Variants in CNTNAP2 observed in about 807,000 individuals in gnomAD.
CNTNAP2 encodes the protein contactin-associated protein-like 2.
In CNTNAP2, 98 loss-of-function variants were observed where a neutral mutation model predicts 155.2. That is an observed-to-expected ratio of 0.63 (90% CI 0.54 to 0.75). The LOEUF is 0.75. Ranked by LOEUF, CNTNAP2 falls within the 30% of genes least tolerant of loss-of-function variation. The pLI is 0.00. For missense variants in CNTNAP2, 1,727 were observed against 1,688.1 expected, an observed-to-expected ratio of 1.02 and a Z score of -0.40; for synonymous variants, 651 against 631.2, an observed-to-expected ratio of 1.03 and a Z score of -0.47.
intron 1 of CNTNAP2, among the ~76,000 whole-genome samples, chr7:146,126,985 A>G (rs560092371): frequency 6.6e-6 from 1 of 152,168 alleles, no homozygotes; most frequent in African/African-American, 2.4e-5. Context: ...CTTATCATCT[A>G]TATCTATGCC....
chr7:148,220,310 G>A lies in CNTNAP2; in HGVS notation c.3247+2786G>A, dbSNP rs530527736. ...GTAGAGATGGGGTTTCACCGTGTTA[G>A]CCAGGATGATCTCAATCTCCTGACC... On this transcript the variant is annotated intron_variant, in intron 19 of 23. Coordinates refer to ENST00000361727, the MANE Select transcript of CNTNAP2 (RefSeq NM_014141.6). 1.3e-3 allele frequency among the ~76,000 whole-genome samples: 199 copies of A among 152,270 alleles called. 1 individual carries two copies. Among genetic ancestry groups the A allele is most frequent in the African/African-American group, 4.6e-3 (192 of 41,560 alleles).
intron 3 of CNTNAP2, among the ~76,000 whole-genome samples, chr7:146,938,858 C>G (rs911619235): frequency 6.6e-6 from 1 of 151,962 alleles, no homozygotes; most frequent in East Asian, 1.9e-4. Flanking sequence ...TATACCAAGC[C>G]AAGCATTAGA....
At chr7:146,764,270 G>A (rs868445778) in intron 1 of CNTNAP2, among the ~76,000 whole-genome samples, 7 of 152,150 alleles carry the variant, frequency 4.6e-5, no homozygotes, top group African/African-American at 1.2e-4. Flanking sequence ...ACCTTCTTAC[G>A]AGACTGTAGA....
At chr7:146,424,309 T>C (rs915247890) in intron 1 of CNTNAP2, among the ~76,000 whole-genome samples, 5 of 152,146 alleles carry the variant, frequency 3.3e-5, no homozygotes, top group African/African-American at 1.2e-4. Context: ...TATGATTGAT[T>C]ACAGCAAAAG....
chr7:146,599,735 G>C (rs547232042), intron 1 of CNTNAP2, among the ~76,000 whole-genome samples: 1 of 102,998 alleles, frequency 9.7e-6, no homozygotes, highest in Non-Finnish European at 1.9e-5. Context: ...CCAGAAAGAC[G>C]ACAGACAGAG....
At chr7:147,114,963 A>G (rs1397101280) in intron 5 of CNTNAP2, among the ~76,000 whole-genome samples, 1 of 152,002 alleles carries the variant, frequency 6.6e-6, no homozygotes, top group Non-Finnish European at 1.5e-5. Flanking sequence ...TTTCCTTTTC[A>G]TATTTAGTGC....
At chr7:147,076,390 G>C (rs1203354220) in intron 4 of CNTNAP2, among the ~76,000 whole-genome samples, 1 of 152,150 alleles carries the variant, frequency 6.6e-6, no homozygotes, top group Non-Finnish European at 1.5e-5. Flanking sequence ...CAGTGATGAT[G>C]AGCATTTTTT....
chr7:146,198,654 C>G (rs937550894), intron 1 of CNTNAP2, among the ~76,000 whole-genome samples: 5 of 152,132 alleles, frequency 3.3e-5, no homozygotes, highest in Non-Finnish European at 5.9e-5. Context: ...TGTAAGATCT[C>G]AACTTGTCTT....
intron 11 of CNTNAP2, among the ~76,000 whole-genome samples, chr7:147,496,133 G>T (rs879658027): frequency 2.0e-5 from 3 of 152,128 alleles, no homozygotes; most frequent in Non-Finnish European, 2.9e-5. Flanking sequence ...ATGGTGAGTT[G>T]TATGATTATT....
At chr7:147,398,516 A>C (rs957029800) in intron 10 of CNTNAP2, among the ~76,000 whole-genome samples, 1 of 150,402 alleles carries the variant, frequency 6.6e-6, no homozygotes, top group Admixed American at 6.7e-5. Flanking sequence ...TGATTTGATG[A>C]GTAGAACTTA....
chr7:148,267,142 G>C lies in CNTNAP2; in HGVS notation c.3475+16G>C. On this transcript the variant is annotated intron_variant, in intron 21 of 23. Coordinates refer to ENST00000361727, the MANE Select transcript of CNTNAP2 (RefSeq NM_014141.6). ...AAAGTTATAGGTAAGAATGTGGTTC[G>C]TTAGGTATAAATGCGTGCTACAAAT... 2 of 1,599,252 alleles carry C rather than the reference G, an allele frequency of 1.3e-6. No individual in the cohort carries two copies. Among genetic ancestry groups the C allele is most frequent in the South Asian group, 1.1e-5 (1 of 90,752 alleles).
Position 147,436,378 on chromosome 7 carries a change from T to G in CNTNAP2, c.1670+40598T>G, listed in dbSNP as rs1448442059. Among the ~76,000 whole-genome samples the G allele has an allele frequency of 2.0e-5, 3 of 152,280 alleles. No homozygotes were observed. In the East Asian group the frequency reaches 5.8e-4, roughly 29 times the overall value. On this transcript the variant is annotated intron_variant, in intron 10 of 23. Transcript: ENST00000361727. ...GAAATTTTAAATTTCAGTTAAAAAT[T>G]TTTAATTTGATGTTATATCAGAGTT... is the stretch of plus-strand genomic sequence containing the variant.
At chr7:146,256,424 T>G (rs1799838171) in intron 1 of CNTNAP2, among the ~76,000 whole-genome samples, 1 of 152,162 alleles carries the variant, frequency 6.6e-6, no homozygotes, top group South Asian at 2.1e-4. Flanking sequence ...TAAAGAGTTT[T>G]CTTTAGAATA....
At chr7:147,686,209 T>C (rs959666399) in intron 13 of CNTNAP2, among the ~76,000 whole-genome samples, 1 of 152,050 alleles carries the variant, frequency 6.6e-6, no homozygotes, top group African/African-American at 2.4e-5. Context: ...ATTCTGGATA[T>C]AGTCTGAAGT....
intron 8 of CNTNAP2, among the ~76,000 whole-genome samples, chr7:147,198,955 CTT>C (rs531893928): frequency 5.7e-4 from 57 of 99,282 alleles, no homozygotes; most frequent in African/African-American, 1.8e-3. Context: ...AATCAAAGGA[CTT>C]TTTTTTTTTT....
chr7:146,509,267 A>G (rs1008338239), intron 1 of CNTNAP2, among the ~76,000 whole-genome samples: 3 of 152,162 alleles, frequency 2.0e-5, no homozygotes, highest in Non-Finnish European at 4.4e-5. Context: ...CAGCCATTCA[A>G]TTATGGTGTG....
Position 148,172,439 on chromosome 7 carries a change from T to C in CNTNAP2, c.2971T>C (p.Cys991Arg). ...LERYHGYSCD[C>R]SNTAYDGTFC... is the part of the protein sequence containing the mutation. ...GAGATACCACGGTTACTCCTGCGATTGCTCTAATACTGCATATGATGGAAC... is the reference window on the plus strand; with the variant it reads ...GAGATACCACGGTTACTCCTGCGATCGCTCTAATACTGCATATGATGGAAC... The change falls in exon 18 of 24, where the codon TGC becomes CGC. Residue 991 changes from cysteine (C) to arginine (R), a missense_variant. Cys to Arg is a radical substitution (Grantham distance 180). Coordinates refer to ENST00000361727, the MANE Select transcript of CNTNAP2 (RefSeq NM_014141.6). The C allele has an allele frequency of 1.2e-6, 2 of 1,614,242 alleles. No individual in the cohort carries two copies. The highest frequency in any genetic ancestry group is 1.7e-6 in the Non-Finnish European group (2 of 1,180,038).
intron 1 of CNTNAP2, among the ~76,000 whole-genome samples, chr7:146,390,634 AAT>A (rs1563066199): frequency 6.8e-6 from 1 of 147,326 alleles, no homozygotes; most frequent in African/African-American, 2.5e-5. Context: ...ATGAAATAAA[AAT>A]ATATATATTT....
At chr7:146,505,037 C>G (rs1797362037) in intron 1 of CNTNAP2, among the ~76,000 whole-genome samples, 1 of 152,212 alleles carries the variant, frequency 6.6e-6, no homozygotes, top group African/African-American at 2.4e-5. Flanking sequence ...CGAGCCCCAT[C>G]CATCACAGAC....
Sources: gnomAD v4.1 joint callset for allele counts (sites outside exome capture counted in the v4.1 genomes callset) on GRCh38, gnomAD v4.1.1 for gene constraint, MANE v1.5 for transcripts, NCBI Gene and HGNC (gene_info 2026-07-23, HGNC 2026-07-21) for gene names.